INPP4B: variants seen among roughly 807,000 people sequenced by gnomAD.
INPP4B encodes the protein inositol polyphosphate-4-phosphatase type II B.
In INPP4B, 55 loss-of-function variants were observed where a neutral mutation model predicts 122.5. The observed-to-expected ratio is 0.45, with a 90% CI of 0.36 to 0.56. The LOEUF (loss-of-function observed/expected upper bound fraction) is 0.56. Among genes scored for constraint, INPP4B ranks in the 20% least tolerant of loss-of-function variants. The probability of loss-of-function intolerance (pLI) is 0.00; values close to 1 mark genes in which losing one functional copy is unlikely to be tolerated. For missense variants in INPP4B, 1,000 were observed against 1,097.7 expected (o/e 0.91, Z 1.26); for synonymous variants, 403 against 388.7 (o/e 1.04, Z -0.43).
chr4:142,188,977 G>T (rs1414566134), intron 15 of INPP4B, among the ~76,000 whole-genome samples: 3 of 152,064 alleles, frequency 2.0e-5, no homozygotes, highest in African/African-American at 7.2e-5. Flanking sequence ...CCCATTCCTG[G>T]TTTATCGGAT....
At chr4:142,238,278 T>A (rs1041609370) in intron 11 of INPP4B, among the ~76,000 whole-genome samples, 3 of 152,010 alleles carry the variant, frequency 2.0e-5, no homozygotes, top group African/African-American at 4.8e-5. Flanking sequence ...TTAAAAAAAA[T>A]TATACATCAA....
intron 12 of INPP4B, among the ~76,000 whole-genome samples, chr4:142,222,732 A>T (rs1018433536): frequency 6.6e-6 from 1 of 152,230 alleles, no homozygotes; most frequent in Admixed American, 6.5e-5. Flanking sequence ...CTTTCTGGAC[A>T]GATGGCATGC....
intron 1 of INPP4B, among the ~76,000 whole-genome samples, chr4:142,758,063 C>G (rs1194003777): frequency 6.6e-6 from 1 of 152,116 alleles, no homozygotes; most frequent in Non-Finnish European, 1.5e-5. Flanking sequence ...GTACTTAGCT[C>G]TGAATAGATC....
At chr4:142,641,243 C>G (rs1223266584) in intron 2 of INPP4B, among the ~76,000 whole-genome samples, 1 of 151,874 alleles carries the variant, frequency 6.6e-6, no homozygotes, top group Non-Finnish European at 1.5e-5. Context: ...AAATGCTATA[C>G]AGCACCAAAA....
intron 24 of INPP4B, among the ~76,000 whole-genome samples, chr4:142,082,410 G>A (rs1217250697): frequency 6.6e-6 from 1 of 152,154 alleles, no homozygotes; most frequent in African/African-American, 2.4e-5. Context: ...CATGAGGCAT[G>A]GAACTGTTGA....
At chr4:142,611,327 T>C (rs754650383) in intron 2 of INPP4B, among the ~76,000 whole-genome samples, 8 of 152,260 alleles carry the variant, frequency 5.3e-5, no homozygotes, top group African/African-American at 1.2e-4. Context: ...ACACTGGGTG[T>C]TACAATTCGA....
chr4:142,251,265 T>C (rs552827844), intron 11 of INPP4B, among the ~76,000 whole-genome samples: 76 of 152,206 alleles, frequency 5.0e-4, no homozygotes, highest in Non-Finnish European at 7.1e-4. Flanking sequence ...ATTTGTCTTA[T>C]AATTATAGTA....
intron 8 of INPP4B, among the ~76,000 whole-genome samples, chr4:142,313,409 T>A (rs1766300079): frequency 1.3e-5 from 2 of 152,192 alleles, no homozygotes; most frequent in South Asian, 4.1e-4. Context: ...TCTCACATTT[T>A]ATGAAGCAGT....
At chr4:142,436,033 A>G (rs113778464) in intron 3 of INPP4B, among the ~76,000 whole-genome samples, 1,892 of 152,314 alleles carry the variant, frequency 0.012, 42 homozygotes, top group African/African-American at 0.043. Flanking sequence ...GGCGGCAGCT[A>G]TCACTGAAGC....
chr4:142,721,146 AT>A (rs1560997389), intron 2 of INPP4B, among the ~76,000 whole-genome samples: 1 of 151,840 alleles, frequency 6.6e-6, no homozygotes, highest in African/African-American at 2.4e-5. Context: ...AAAGGAACCA[AT>A]TCCCTCAAAG....
intron 14 of INPP4B, among the ~76,000 whole-genome samples, chr4:142,199,480 A>G (rs1278370499): frequency 1.3e-5 from 2 of 152,032 alleles, no homozygotes; most frequent in African/African-American, 4.8e-5. Context: ...ATTTCCATGG[A>G]ATTTGAATTA....
chr4:142,229,081 C>A (rs1395144475), intron 12 of INPP4B, among the ~76,000 whole-genome samples: 1 of 151,384 alleles, frequency 6.6e-6, no homozygotes, highest in Admixed American at 6.6e-5. Context: ...TGTATTTAAA[C>A]CTAGAGAATA....
At chr4:142,424,669 T>C (rs1161300894) in intron 5 of INPP4B, among the ~76,000 whole-genome samples, 1 of 152,114 alleles carries the variant, frequency 6.6e-6, no homozygotes, top group Non-Finnish European at 1.5e-5. Context: ...TATGAATGTA[T>C]GTTTCACTCT....
At chr4:142,355,511 C>T (rs1265763180) in intron 7 of INPP4B, among the ~76,000 whole-genome samples, 1 of 152,004 alleles carries the variant, frequency 6.6e-6, no homozygotes, top group Non-Finnish European at 1.5e-5. Context: ...TACATCATAA[C>T]TGGCACTCAC....
intron 18 of INPP4B, among the ~76,000 whole-genome samples, chr4:142,128,573 T>G (rs1205661591): frequency 6.6e-6 from 1 of 152,136 alleles, no homozygotes; most frequent in African/African-American, 2.4e-5. Flanking sequence ...TATAAGAACT[T>G]GCTGAGACTC....
intron 7 of INPP4B, among the ~76,000 whole-genome samples, chr4:142,386,122 A>G (rs1236426327): frequency 6.6e-6 from 1 of 152,130 alleles, no homozygotes; most frequent in Non-Finnish European, 1.5e-5. Context: ...CGTGTAAGTG[A>G]GACCATGCAG....
Position 142,122,130 on chromosome 4 carries a change from T to C in INPP4B, c.2133A>G (p.Arg711=), listed in dbSNP as rs112567001. 1 of 1,598,456 alleles carries C rather than the reference T, an allele frequency of 6.3e-7. No homozygotes were observed. Among genetic ancestry groups the C allele is most frequent in the Non-Finnish European group, 8.6e-7 (1 of 1,167,654 alleles). Residue 711 remains arginine (R), a splice_region_variant and synonymous_variant, in exon 21 of 26, where the codon AGA becomes AGG. Coordinates refer to ENST00000262992, the MANE Select transcript of INPP4B (RefSeq NM_001101669.3). ...SNDVLPVITG[R]REHYVVEVKL... is the part of the protein sequence containing the mutation. ...TTCAGGAAGTGAGCACTGCTTACCG[T>C]CTTCCTGTTATAACTGGCAACACAT...
At chr4:142,809,347 C>T (rs1224742419) in intron 1 of INPP4B, among the ~76,000 whole-genome samples, 1 of 152,130 alleles carries the variant, frequency 6.6e-6, no homozygotes, top group East Asian at 1.9e-4. Flanking sequence ...TTAATCCTGA[C>T]TTTGCATATT....
chr4:142,808,435 G>C (rs542291838), intron 1 of INPP4B, among the ~76,000 whole-genome samples: 8 of 152,284 alleles, frequency 5.3e-5, no homozygotes, highest in East Asian at 1.9e-4. Flanking sequence ...GAATCATCTA[G>C]TCAGGAAGAA....
Sources: gnomAD v4.1 joint callset for allele counts (sites outside exome capture counted in the v4.1 genomes callset) on GRCh38, gnomAD v4.1.1 for gene constraint, MANE v1.5 for transcripts, NCBI Gene and HGNC (gene_info 2026-07-23, HGNC 2026-07-21) for gene names.